Variants in CCDC93 observed in about 807,000 individuals in gnomAD.
The protein encoded by CCDC93 is coiled-coil domain-containing protein 93.
Under a neutral mutation model 108.2 loss-of-function variants are expected in CCDC93, and 61 were observed. The ratio of observed to expected loss-of-function variants is 0.56; its 90% CI spans 0.46 to 0.70. The LOEUF is 0.70. Ranked by LOEUF, CCDC93 falls within the 30% of genes least tolerant of loss-of-function variation. The pLI is 0.00. For synonymous variants in CCDC93, 276 were observed against 260.4 expected, an observed-to-expected ratio of 1.06 and a Z score of -0.58; for missense variants, 685 against 764.2, an observed-to-expected ratio of 0.90 and a Z score of 1.22.
At chr2:117,985,180 T>G (rs1680277601) in intron 7 of CCDC93, among the ~76,000 whole-genome samples, 1 of 151,736 alleles carries the variant, frequency 6.6e-6, no homozygotes, top group Admixed American at 6.6e-5. Flanking sequence ...TGCATGCAAT[T>G]CCATTTGGAA....
At chr2:117,950,391 T>TA in intron 13 of CCDC93, 1 of 985,308 alleles carries the variant, frequency 1.0e-6, no homozygotes, top group East Asian at 1.1e-4. Context: ...CACACGAAAT[T>TA]AGAGTTGTGA....
intron 1 of CCDC93, among the ~76,000 whole-genome samples, chr2:118,011,663 A>C (rs548680642): frequency 6.6e-4 from 100 of 152,250 alleles, no homozygotes; most frequent in African/African-American, 2.1e-3. Flanking sequence ...CATGAGAAGA[A>C]GACAAAAAAA....
intron 12 of CCDC93, among the ~76,000 whole-genome samples, chr2:117,955,496 T>G (rs943123560): frequency 6.6e-6 from 1 of 152,230 alleles, no homozygotes; most frequent in Non-Finnish European, 1.5e-5. Flanking sequence ...GGGAACAAGT[T>G]AAATAAATTG....
intron 8 of CCDC93, among the ~76,000 whole-genome samples, chr2:117,977,779 CA>C (rs1321699670): frequency 2.0e-5 from 3 of 152,208 alleles, no homozygotes; most frequent in Non-Finnish European, 4.4e-5. Context: ...AATCACCCCT[CA>C]TTTCCAGCCC....
chr2:118,002,395 T>C (rs917943814), intron 3 of CCDC93, among the ~76,000 whole-genome samples: 1 of 152,196 alleles, frequency 6.6e-6, no homozygotes, highest in African/African-American at 2.4e-5. Flanking sequence ...TAACAGTAAC[T>C]AGGTGACCTA....
At chr2:117,937,115 A>T (rs1678550415) in intron 20 of CCDC93, among the ~76,000 whole-genome samples, 1 of 152,230 alleles carries the variant, frequency 6.6e-6, no homozygotes, top group Non-Finnish European at 1.5e-5. Flanking sequence ...ATTTTCAAGG[A>T]TAACAGCTTA....
rs186935876 is a variant in CCDC93 at position 117,916,004 on chromosome 2, T to C, written c.*4339A>G. On this transcript the variant is annotated 3_prime_UTR_variant, in exon 24 of 24. Transcript: ENST00000376300. ...ACTCTCCAACTTTTTGCTATTACAA[T>C]GTTTCAACAAAAACTCTTGTACACA... 4 of 152,380 alleles carry C rather than the reference T, an allele frequency of 2.6e-5. No homozygotes were observed. The East Asian group carries it at 5.8e-4, about 22-fold the overall frequency. 9.4% of individuals were successfully genotyped at this position (152,380 alleles called of 1,614,324 possible).
At chr2:117,962,267 A>G (rs1332883046) in intron 11 of CCDC93, among the ~76,000 whole-genome samples, 2 of 152,228 alleles carry the variant, frequency 1.3e-5, no homozygotes, top group Admixed American at 1.3e-4. Context: ...TGACAATAAT[A>G]AAGAATTCCT....
chr2:117,936,025 T>G (rs1387508574), intron 21 of CCDC93, among the ~76,000 whole-genome samples: 3 of 143,616 alleles, frequency 2.1e-5, no homozygotes, highest in Non-Finnish European at 3.0e-5. Flanking sequence ...TGGTTTTTTG[T>G]TTTTTTTTTT....
rs1435435666 is a variant in CCDC93, at chr2:117,957,022, C to T, written c.1005+1343G>A. On this transcript the variant is annotated intron_variant, in intron 12 of 23. Transcript: ENST00000376300. Reference sequence around the variant, plus strand: ...TCTCCTGCCTCAGCCTCCTGAGTAGCTGGGATTACAAGCAGGCGCCACCAT... The same window carrying T: ...TCTCCTGCCTCAGCCTCCTGAGTAGTTGGGATTACAAGCAGGCGCCACCAT... Among the ~76,000 whole-genome samples the T allele has an allele frequency of 2.0e-5, 3 of 152,066 alleles. No individual in the cohort carries two copies. In the East Asian group the frequency reaches 5.8e-4, roughly 30 times the overall value.
intron 23 of CCDC93, 94 bp from the exon 24 acceptor site, chr2:117,920,490 G>T: frequency 1.3e-6 from 1 of 790,948 alleles, no homozygotes; most frequent in Non-Finnish European, 2.0e-6. Context: ...ATATCCCTAT[G>T]GGAGACATCT....
At chr2:118,013,409 T>C (rs1384297963) in intron 1 of CCDC93, among the ~76,000 whole-genome samples, 1 of 151,884 alleles carries the variant, frequency 6.6e-6, no homozygotes, top group African/African-American at 2.4e-5. Flanking sequence ...CTCCCAAACT[T>C]CCTCCCGCCG....
rs572329389 is a variant in CCDC93 at position 117,977,346 on chromosome 2, T to C, written c.657+648A>G. 7.2e-5 allele frequency among the ~76,000 whole-genome samples: 11 copies of C among 152,300 alleles called. No homozygotes were observed. The South Asian group carries it at 2.3e-3, about 32-fold the overall frequency. On this transcript the variant is annotated intron_variant, in intron 8 of 23. Transcript: ENST00000376300. ...ACTGAGCCTCTCTGAGCGTTAGCTTTCTGACCTAAAAAGCAGAAATAAACA... is the reference window on the plus strand; with the variant it reads ...ACTGAGCCTCTCTGAGCGTTAGCTTCCTGACCTAAAAAGCAGAAATAAACA...
intron 23 of CCDC93, among the ~76,000 whole-genome samples, chr2:117,928,424 AC>A (rs1678200460): frequency 1.3e-5 from 2 of 152,248 alleles, no homozygotes; most frequent in East Asian, 1.9e-4. Context: ...AAGAAAAAAA[AC>A]AACCCCATCA....
rs183824238 is a variant in CCDC93 at position 117,918,574 on chromosome 2, C to G, written c.*1769G>C. The G allele has an allele frequency of 6.6e-6, 1 of 152,240 alleles. No homozygotes were observed. Among genetic ancestry groups the G allele is most frequent in the South Asian group, 2.1e-4 (1 of 4,834 alleles). The allele number at this position is 152,240 out of a possible 1,614,324, so 9.4% of individuals were successfully genotyped here. ...CAACTGCTCACAAAGTTCAGTTAGC[C>G]AGGGGTGGGCCTACAAGCTGCTTAA... On this transcript the variant is annotated 3_prime_UTR_variant, in exon 24 of 24. Transcript: ENST00000376300.
intron 20 of CCDC93, among the ~76,000 whole-genome samples, chr2:117,938,555 G>GAA (rs36126432): frequency 1.1e-3 from 153 of 138,200 alleles, no homozygotes; most frequent in East Asian, 5.9e-3. Context: ...AAAAAGACAA[G>GAA]AAAAAAAAAA....
At chr2:117,940,707 T>G (rs1678673907) in intron 19 of CCDC93, among the ~76,000 whole-genome samples, 1 of 152,158 alleles carries the variant, frequency 6.6e-6, no homozygotes, top group Admixed American at 6.5e-5. Flanking sequence ...ATGGCAGCCT[T>G]GAGGGCCATT....
chr2:117,978,956 C>T (rs922670606), intron 7 of CCDC93, among the ~76,000 whole-genome samples: 1 of 151,976 alleles, frequency 6.6e-6, no homozygotes, highest in African/African-American at 2.4e-5. Context: ...TGCAGTGAGC[C>T]GAGATCATAG....
At chr2:117,928,353 A>C (rs575202556) in intron 23 of CCDC93, among the ~76,000 whole-genome samples, 3 of 152,316 alleles carry the variant, frequency 2.0e-5, no homozygotes, top group South Asian at 4.1e-4. Flanking sequence ...AATTTTTGCA[A>C]TCTACTCATC....
Sources: allele counts gnomAD v4.1 joint callset (sites outside exome capture counted in the v4.1 genomes callset), GRCh38; gene constraint gnomAD v4.1.1; transcripts MANE v1.5; gene names NCBI Gene and HGNC (gene_info 2026-07-23, HGNC 2026-07-21).